The following KIAA1217 variants were observed in gnomAD, a reference collection of about 807,000 sequenced individuals.
KIAA1217 encodes the protein sickle tail protein homolog.
In KIAA1217, 88 loss-of-function variants were observed where a neutral mutation model predicts 163.9. The observed-to-expected ratio is 0.54, with a 90% confidence interval of 0.45 to 0.64. The LOEUF (loss-of-function observed/expected upper bound fraction) is 0.64. Ranked by LOEUF, KIAA1217 falls within the 30% of genes least tolerant of loss-of-function variation. The pLI is 0.00. For missense variants in KIAA1217, 2,372 were observed against 2,475.0 expected, an observed-to-expected ratio of 0.96 and a Z score of 0.88; for synonymous variants, 903 against 923.1, an observed-to-expected ratio of 0.98 and a Z score of 0.39.
At chr10:23,823,723 A>G (rs1261673000) in intron 1 of KIAA1217, among the ~76,000 whole-genome samples, 1 of 152,186 alleles carries the variant, frequency 6.6e-6, no homozygotes, top group Non-Finnish European at 1.5e-5. Flanking sequence ...AAAGAATATA[A>G]AAGTATTCAA....
At chr10:23,807,475 G>T (rs559588979) in intron 1 of KIAA1217, among the ~76,000 whole-genome samples, 1 of 152,358 alleles carries the variant, frequency 6.6e-6, no homozygotes, top group Non-Finnish European at 1.5e-5. Context: ...GGAGTGGGGG[G>T]ATTAAGAGTG....
At chr10:23,945,067 A>G (rs1185987061) in intron 1 of KIAA1217, among the ~76,000 whole-genome samples, 2 of 147,906 alleles carry the variant, frequency 1.4e-5, no homozygotes, top group Non-Finnish European at 3.0e-5. Context: ...TCAAAAAAAA[A>G]AAAAAAAAGG....
At chr10:24,519,037 G>T (rs1490620873) in intron 10 of KIAA1217, among the ~76,000 whole-genome samples, 2 of 152,120 alleles carry the variant, frequency 1.3e-5, no homozygotes, top group Admixed American at 6.5e-5. Context: ...GCTGCCATGC[G>T]ATCCAGAGCT....
chr10:24,055,262 G>A (rs1849811788), intron 2 of KIAA1217, among the ~76,000 whole-genome samples: 1 of 151,980 alleles, frequency 6.6e-6, no homozygotes, highest in East Asian at 1.9e-4. Context: ...GTGAGACCCT[G>A]TCTCAAAAAA....
At chr10:23,901,733 C>G (rs1841963843) in intron 1 of KIAA1217, among the ~76,000 whole-genome samples, 1 of 151,564 alleles carries the variant, frequency 6.6e-6, no homozygotes, top group Non-Finnish European at 1.5e-5. Flanking sequence ...AATGGTGAAA[C>G]CTGCCTCTAC....
intron 1 of KIAA1217, among the ~76,000 whole-genome samples, chr10:23,904,978 C>G (rs1160835265): frequency 6.6e-6 from 1 of 151,370 alleles, no homozygotes; most frequent in African/African-American, 2.4e-5. Context: ...TTCTACCCAC[C>G]ATCATGATGG....
chr10:23,976,965 G>A (rs999748410), intron 1 of KIAA1217, among the ~76,000 whole-genome samples: 1 of 152,166 alleles, frequency 6.6e-6, no homozygotes, highest in African/African-American at 2.4e-5. Context: ...AACCCCATAC[G>A]ACACCACTTT....
chr10:24,419,988 C>A (rs1388573717), intron 3 of KIAA1217, among the ~76,000 whole-genome samples: 1 of 151,950 alleles, frequency 6.6e-6, no homozygotes, highest in Non-Finnish European at 1.5e-5. Flanking sequence ...GTATCAATAA[C>A]CCACTGAGAA....
intron 1 of KIAA1217, among the ~76,000 whole-genome samples, chr10:23,901,690 C>T (rs886912691): frequency 7.2e-5 from 11 of 151,874 alleles, no homozygotes; most frequent in Non-Finnish European, 1.5e-5. Context: ...GGGTGGATCA[C>T]TTGAGGTAAA....
chr10:23,760,849 G>GA (rs377030322), intron 1 of KIAA1217, among the ~76,000 whole-genome samples: 3 of 152,080 alleles, frequency 2.0e-5, no homozygotes, highest in Non-Finnish European at 4.4e-5. Context: ...ACCAGTCAGT[G>GA]AAAAAAAGAA....
chr10:24,008,290 C>T (rs1468675376), intron 2 of KIAA1217, among the ~76,000 whole-genome samples: 1 of 152,082 alleles, frequency 6.6e-6, no homozygotes, highest in Non-Finnish European at 1.5e-5. Flanking sequence ...AGCCACATCA[C>T]AGAGGGATAG....
chr10:24,451,216 C>T (rs540566290), intron 5 of KIAA1217, among the ~76,000 whole-genome samples: 6 of 152,300 alleles, frequency 3.9e-5, no homozygotes, highest in African/African-American at 1.2e-4. Flanking sequence ...TTCCATAGGA[C>T]AGAGCAGGAA....
chr10:24,274,767 A>G (rs2132044701), intron 2 of KIAA1217, among the ~76,000 whole-genome samples: 1 of 152,286 alleles, frequency 6.6e-6, no homozygotes, highest in East Asian at 1.9e-4. Context: ...CTTTTAAAAT[A>G]TATATTATTG....
chr10:24,517,936 A>G (rs2070455676), intron 10 of KIAA1217, among the ~76,000 whole-genome samples: 1 of 152,218 alleles, frequency 6.6e-6, no homozygotes, highest in Admixed American at 6.5e-5. Flanking sequence ...CGGAGGTTGC[A>G]GTAAGCTAAG....
At chr10:24,317,277 T>C (rs2043517243) in intron 2 of KIAA1217, among the ~76,000 whole-genome samples, 1 of 152,192 alleles carries the variant, frequency 6.6e-6, no homozygotes, top group African/African-American at 2.4e-5. Context: ...TTTATTTTGT[T>C]ACTTTTTATT....
intron 2 of KIAA1217, among the ~76,000 whole-genome samples, chr10:24,320,276 G>A (rs1235374733): frequency 6.6e-6 from 1 of 152,148 alleles, no homozygotes; most frequent in Non-Finnish European, 1.5e-5. Flanking sequence ...AAAATAAATT[G>A]GTACCCATCC....
intron 3 of KIAA1217, among the ~76,000 whole-genome samples, chr10:24,394,917 G>A (rs1052536919): frequency 6.6e-6 from 1 of 152,166 alleles, no homozygotes; most frequent in African/African-American, 2.4e-5. Context: ...ACTTTAGCAG[G>A]AGACGTGTTA....
At chr10:24,095,695 A>C (rs1327384311) in intron 2 of KIAA1217, among the ~76,000 whole-genome samples, 2 of 152,184 alleles carry the variant, frequency 1.3e-5, no homozygotes, top group Non-Finnish European at 2.9e-5. Flanking sequence ...CAAATATGCC[A>C]GTACTCACAA....
chr10:24,546,193 G>C lies in KIAA1217; in HGVS notation c.5701G>C (p.Ala1901Pro), dbSNP rs778436101. Residue 1901 changes from alanine to proline, a missense_variant, in exon 21 of 21, where the codon GCC (alanine) becomes CCC (proline). Coordinates refer to ENST00000376454, the MANE Select transcript of KIAA1217 (RefSeq NM_019590.5). ...LSFSSSPPSP[A>P]SSVSLNQGAK... Reference sequence around the variant, plus strand: ...ATTTTCCTCCTCCCCTCCTTCTCCTGCCTCCTCCGTCTCACTGAATCAAGG... The same window carrying C: ...ATTTTCCTCCTCCCCTCCTTCTCCTCCCTCCTCCGTCTCACTGAATCAAGG... 5 of 1,614,006 alleles carry C rather than the reference G, an allele frequency of 3.1e-6. No homozygotes were observed. In the South Asian group the frequency reaches 5.5e-5, roughly 18 times the overall value.
Sources: gnomAD v4.1 joint callset for allele counts (sites outside exome capture counted in the v4.1 genomes callset) on GRCh38, gnomAD v4.1.1 for gene constraint, MANE v1.5 for transcripts, NCBI Gene and HGNC (gene_info 2026-07-23, HGNC 2026-07-21) for gene names.